Variants in SYT11 observed in about 807,000 individuals in gnomAD.
The protein encoded by SYT11 is synaptotagmin 11, also known as synaptotagmin-11.
Under a neutral mutation model 30.4 loss-of-function variants are expected in SYT11, and 12 were observed. The ratio of observed to expected loss-of-function variants is 0.39; its 90% confidence interval spans 0.25 to 0.64. The LOEUF (loss-of-function observed/expected upper bound fraction) is 0.64, where lower values mean the gene tolerates loss of function less well. Among genes scored for constraint, SYT11 ranks in the 30% least tolerant of loss-of-function variants. The pLI, the probability that SYT11 is intolerant of heterozygous loss-of-function variation, is 0.45. For synonymous variants in SYT11, 204 were observed against 216.0 expected, an observed-to-expected ratio of 0.94 and a Z score of 0.49; for missense variants, 412 against 552.0, an observed-to-expected ratio of 0.75 and a Z score of 2.54.
At chr1:155,879,544 A>G (rs1672927779) in intron 2 of SYT11, among the ~76,000 whole-genome samples, 1 of 152,166 alleles carries the variant, frequency 6.6e-6, no homozygotes, top group African/African-American at 2.4e-5. Flanking sequence ...GAGAAGATAC[A>G]CTGGAGTGCA....
At chr1:155,861,676 T>A (rs1672592974) in intron 1 of SYT11, among the ~76,000 whole-genome samples, 1 of 152,176 alleles carries the variant, frequency 6.6e-6, no homozygotes, top group South Asian at 2.1e-4. Context: ...TGGAGTGCAA[T>A]GGCGTGATCT....
chr1:155,864,194 T>C (rs1212272977), intron 1 of SYT11, among the ~76,000 whole-genome samples: 1 of 152,080 alleles, frequency 6.6e-6, no homozygotes, highest in Non-Finnish European at 1.5e-5. Flanking sequence ...GAGGTTGCAG[T>C]GGGCCAAGCT....
chr1:155,869,316 G>A (rs574696275), intron 2 of SYT11, among the ~76,000 whole-genome samples: 2 of 136,740 alleles, frequency 1.5e-5, no homozygotes, highest in South Asian at 2.3e-4. Context: ...TGTCGCCCAG[G>A]CTGGAGTGCA....
chr1:155,873,132 T>TA (rs1373979606), intron 2 of SYT11, among the ~76,000 whole-genome samples: 4 of 152,258 alleles, frequency 2.6e-5, no homozygotes, highest in Admixed American at 6.5e-5. Flanking sequence ...ACTGTGCTTT[T>TA]AAAATCAGAT....
intron 1 of SYT11, among the ~76,000 whole-genome samples, chr1:155,865,964 G>A (rs927234015): frequency 1.3e-5 from 2 of 151,888 alleles, no homozygotes; most frequent in Non-Finnish European, 2.9e-5. Flanking sequence ...AAAAACTATA[G>A]GCCTAATCTG....
In SYT11 at chr1:155,883,055, T is replaced by C. The variant is rs756784962; in HGVS notation, c.*1547T>C. On this transcript the variant is annotated 3_prime_UTR_variant, in exon 4 of 4. Transcript: ENST00000368324. ...AACGAGCTGCATAATTCTTGGAATT[T>C]ATGTCTTACCACATGGTGGAGGGAT... 6 of 152,364 alleles carry C rather than the reference T, an allele frequency of 3.9e-5. No individual in the cohort carries two copies. Among genetic ancestry groups the C allele is most frequent in the Non-Finnish European group, 7.3e-5 (5 of 68,040 alleles). The allele number at this position is 152,364 out of a possible 1,614,324, so 9.4% of individuals were successfully genotyped here. A position where few individuals can be genotyped will look rare whatever the true frequency, so the allele number is the denominator to read the frequency against.
intron 1 of SYT11, among the ~76,000 whole-genome samples, chr1:155,866,602 T>A (rs1458734514): frequency 6.6e-6 from 1 of 152,174 alleles, no homozygotes; most frequent in African/African-American, 2.4e-5. Flanking sequence ...TATTTGTGTA[T>A]GTATTTTATA....
chr1:155,870,571 A>T (rs1290655941), intron 2 of SYT11, among the ~76,000 whole-genome samples: 1 of 152,218 alleles, frequency 6.6e-6, no homozygotes, highest in African/African-American at 2.4e-5. Flanking sequence ...GGCAGATCAT[A>T]CTTATTTCTT....
Position 155,883,781 on chromosome 1 carries a change from T to A in SYT11, c.*2273T>A. On this transcript the variant is annotated 3_prime_UTR_variant, in exon 4 of 4. Coordinates refer to ENST00000368324, the MANE Select transcript of SYT11 (RefSeq NM_152280.5). ...GGGTGATCTTGCTTTCAGTGTTCCC[T>A]CAGCTTTTGTGGATTTAAAACCATT... 6.6e-6 allele frequency: 1 copy of A among 152,250 alleles called. No individual in the cohort carries two copies. The highest frequency in any genetic ancestry group is 1.5e-5 in the Non-Finnish European group (1 of 68,038). 9.4% of individuals were successfully genotyped at this position (152,250 alleles called of 1,614,324 possible).
chr1:155,867,495 A>G (rs754706941), intron 1 of SYT11, among the ~76,000 whole-genome samples: 2 of 151,898 alleles, frequency 1.3e-5, no homozygotes, highest in East Asian at 3.9e-4. Context: ...TCATCTCCAC[A>G]CCCTTCCACC....
intron 2 of SYT11, among the ~76,000 whole-genome samples, chr1:155,875,143 C>A (rs150866307): frequency 1.4e-5 from 2 of 139,784 alleles, no homozygotes; most frequent in South Asian, 2.3e-4. Flanking sequence ...GTCCCAGCTA[C>A]TCGGGAGGCT....
chr1:155,868,595 T>C lies in SYT11; in HGVS notation c.665T>C (p.Val222Ala). 6.2e-7 allele frequency: 1 copy of C among 1,614,040 alleles called. No individual in the cohort carries two copies. Among genetic ancestry groups the C allele is most frequent in the Non-Finnish European group, 8.5e-7 (1 of 1,180,004 alleles). The change falls in exon 2 of 4, where the codon GTG (valine) becomes GCG (alanine). Residue 222 changes from valine (V) to alanine (A), a missense_variant. Physicochemically the swap from Val to Ala is moderately conservative, Grantham distance 64 (BLOSUM62 0). Transcript: ENST00000368324. This position sits in a 1 kb window ranked among gnomAD's most constrained non-coding sequence, Gnocchi z 4.7. The stretch of plus-strand genomic sequence containing the variant: ...GTGCTGCGGAAGACCCTGGACCCTG[T>C]GTTTGACGAGACCTTCACCTTCTAT... ...TRVLRKTLDP[V>A]FDETFTFYGI...
rs1341405291 is a variant in SYT11, at chr1:155,884,733, A to AT, written c.*3230dup. On this transcript the variant is annotated 3_prime_UTR_variant, in exon 4 of 4. Transcript: ENST00000368324. Reference sequence around the variant, plus strand: ...TCTTGATTCCTTTGGGAAGACAAGAATTTTTCTTAATAACAAAGGTCCCTT... The same window carrying AT: ...TCTTGATTCCTTTGGGAAGACAAGAATTTTTTCTTAATAACAAAGGTCCCTT... The AT allele has an allele frequency of 6.5e-6, 1 of 152,732 alleles. No homozygotes were observed. Among genetic ancestry groups the AT allele is most frequent in the Non-Finnish European group, 1.5e-5 (1 of 68,042 alleles). 9.5% of individuals were successfully genotyped at this position (152,732 alleles called of 1,614,324 possible).
intron 2 of SYT11, among the ~76,000 whole-genome samples, chr1:155,878,187 A>T (rs1018216598): frequency 1.4e-5 from 2 of 142,748 alleles, no homozygotes. Context: ...AGGTTGCAGA[A>T]AGCCGAGATC....
At chr1:155,876,824 C>G (rs1672869532) in intron 2 of SYT11, among the ~76,000 whole-genome samples, 2 of 151,964 alleles carry the variant, frequency 1.3e-5, no homozygotes, top group Non-Finnish European at 2.9e-5. Flanking sequence ...CTCACTCTGT[C>G]GCCCAGGCTG....
At chr1:155,874,185 A>C (rs545732003) in intron 2 of SYT11, among the ~76,000 whole-genome samples, 1 of 152,278 alleles carries the variant, frequency 6.6e-6, no homozygotes, top group South Asian at 2.1e-4. Context: ...GAGACACCAG[A>C]ATCGCTTGAA....
chr1:155,868,192 G>A lies in SYT11; in HGVS notation c.262G>A (p.Glu88Lys), dbSNP rs1298137936. 8.7e-6 allele frequency: 14 copies of A among 1,614,036 alleles called. No individual in the cohort carries two copies. In the East Asian group the frequency reaches 2.9e-4, roughly 33 times the overall value. ...VRRDKDGPGR[E>K]GGRRNLLVDA... Reference sequence around the variant, plus strand: ...GAGAGACAAAGATGGTCCTGGGAGGGAAGGTGGACGTAGGAACCTGTTGGT... The same window carrying A: ...GAGAGACAAAGATGGTCCTGGGAGGAAAGGTGGACGTAGGAACCTGTTGGT... The change falls in exon 2 of 4, where the codon GAA becomes AAA. Residue 88 changes from glutamate (E) to lysine (K), a missense_variant. By Grantham distance (56) the Glu-to-Lys change is moderately conservative (BLOSUM62 1). Transcript: ENST00000368324. The surrounding 1 kb of genome is among the most constrained non-coding windows in gnomAD (Gnocchi z 4.7).
chr1:155,864,968 C>G (rs1473165456), intron 1 of SYT11, among the ~76,000 whole-genome samples: 1 of 152,094 alleles, frequency 6.6e-6, no homozygotes, highest in East Asian at 1.9e-4. Flanking sequence ...ACCTCAGCCT[C>G]CCAAAGTGCT....
At chr1:155,880,027 A>G (rs1255875263) in intron 2 of SYT11, among the ~76,000 whole-genome samples, 1 of 152,136 alleles carries the variant, frequency 6.6e-6, no homozygotes, top group Non-Finnish European at 1.5e-5. Context: ...GACTCTGTGT[A>G]TAGAAAAAAG....
Sources: allele counts gnomAD v4.1 joint callset (sites outside exome capture counted in the v4.1 genomes callset), GRCh38; gene constraint gnomAD v4.1.1; non-coding constraint Gnocchi (gnomAD v3.1); transcripts MANE v1.5; gene names NCBI Gene and HGNC (gene_info 2026-07-23, HGNC 2026-07-21).